The following CDH23 variants were observed in gnomAD, a reference collection of about 807,000 sequenced individuals.
The protein encoded by CDH23 is cadherin related 23.
Under a neutral mutation model 317.1 loss-of-function variants are expected in CDH23, and 189 were observed. That is an observed-to-expected ratio of 0.60 (90% CI 0.53 to 0.67). The LOEUF is 0.67. Ranked by LOEUF, CDH23 falls within the 30% of genes least tolerant of loss-of-function variation. The pLI is 0.00. For synonymous variants in CDH23, 1,839 were observed against 1,876.8 expected (o/e 0.98, Z 0.52); for missense variants, 4,401 against 4,592.4 (o/e 0.96, Z 1.20).
chr10:71,607,976 T>C (rs1440826751), intron 9 of CDH23, among the ~76,000 whole-genome samples: 3 of 152,214 alleles, frequency 2.0e-5, no homozygotes, highest in African/African-American at 4.8e-5. Flanking sequence ...ACCTGCTACA[T>C]GTCAGGCACC....
intron 1 of CDH23, among the ~76,000 whole-genome samples, chr10:71,419,448 C>T (rs996228028): frequency 6.6e-6 from 1 of 152,160 alleles, no homozygotes; most frequent in African/African-American, 2.4e-5. Flanking sequence ...AGGGACATTA[C>T]CCCATGGAAA....
intron 11 of CDH23, among the ~76,000 whole-genome samples, chr10:71,619,530 A>G (rs888224489): frequency 2.6e-5 from 4 of 152,238 alleles, no homozygotes; most frequent in Admixed American, 6.5e-5. Context: ...CAGGAGAACC[A>G]TAATGCCCAA....
chr10:71,635,387 C>T (rs1862218007), intron 11 of CDH23: 1 of 152,578 alleles, frequency 6.6e-6, no homozygotes, highest in Non-Finnish European at 1.5e-5. Context: ...GGTATTCTTC[C>T]CCCAAAGTGC....
Position 71,617,346 on chromosome 10 carries a change from G to A in CDH23, c.1087G>A (p.Val363Ile), listed in dbSNP as rs1258728897. The A allele has an allele frequency of 3.1e-6, 5 of 1,613,826 alleles. No homozygotes were observed. The highest frequency in any genetic ancestry group is 1.6e-4 in the Middle Eastern group (1 of 6,084). The change falls in exon 11 of 70, where the codon GTC becomes ATC. Residue 363 changes from valine to isoleucine, a missense_variant. Val to Ile is a conservative substitution (Grantham distance 29). This residue lies in a region of CDH23 where 3,068 missense variants were observed against 3,203.3 expected (regional missense o/e 0.96). Transcript: ENST00000224721. ...YSVAITELAQ[V>I]GFALPLFIQV... The stretch of plus-strand genomic sequence containing the variant: ...CGTGGCCATCACTGAGCTGGCACAG[G>A]TCGGCTTTGCCCTTCCACTCTTCAT...
intron 28 of CDH23, among the ~76,000 whole-genome samples, chr10:71,723,407 C>T (rs529896148): frequency 2.0e-5 from 3 of 150,964 alleles, no homozygotes; most frequent in African/African-American, 7.4e-5. Flanking sequence ...ACAACAACGT[C>T]CCCCCCCACA....
At chr10:71,605,303 A>G (rs1393948323) in intron 9 of CDH23, among the ~76,000 whole-genome samples, 3 of 152,078 alleles carry the variant, frequency 2.0e-5, no homozygotes, top group Non-Finnish European at 4.4e-5. Flanking sequence ...CAAAAGAGAA[A>G]GTTGAAATGG....
At chr10:71,634,288 G>C (rs1270705407) in intron 11 of CDH23, among the ~76,000 whole-genome samples, 1 of 152,244 alleles carries the variant, frequency 6.6e-6, no homozygotes, top group Non-Finnish European at 1.5e-5. Flanking sequence ...ACAGTCCTGG[G>C]CTTGGGACAG....
Position 71,779,446 on chromosome 10 carries a change from G to A in CDH23, c.5367G>A (p.Leu1789=). 1 of 1,598,848 alleles carries A rather than the reference G, an allele frequency of 6.3e-7. No individual in the cohort carries two copies. The highest frequency in any genetic ancestry group is 8.6e-7 in the Non-Finnish European group (1 of 1,168,224). ...ACAGCATCATGGATGGAGACCCTCT[G>A]GGTGAGTGGGGCTTGGGGCATGCCA... ...VEYSIMDGDP[L]GEFVISPVEG... Residue 1789 remains leucine, a splice_region_variant and synonymous_variant, in exon 41 of 70, where the codon CTG becomes CTA. Coordinates refer to ENST00000224721, the MANE Select transcript of CDH23 (RefSeq NM_022124.6).
At chr10:71,534,961 T>G (rs878952345) in intron 6 of CDH23, among the ~76,000 whole-genome samples, 1 of 152,202 alleles carries the variant, frequency 6.6e-6, no homozygotes, top group Admixed American at 6.5e-5. Flanking sequence ...GCCTGATGCC[T>G]GAAGAGCCCC....
chr10:71,416,748 A>T (rs1848550621), intron 1 of CDH23, among the ~76,000 whole-genome samples: 1 of 151,860 alleles, frequency 6.6e-6, no homozygotes, highest in African/African-American at 2.4e-5. Context: ...GGTCACTGCA[A>T]CCTTGAACTC....
chr10:71,734,642 G>A lies in CDH23; in HGVS notation c.4207-14G>A. On this transcript the variant is annotated splice_polypyrimidine_tract_variant and intron_variant, in intron 33 of 69. Coordinates refer to ENST00000224721, the MANE Select transcript of CDH23 (RefSeq NM_022124.6). ...TTTCTCTCACTCCCCTCCTGCTGCT[G>A]CCTCTGCCTACAGAAGGTGAGTAGC... The A allele has an allele frequency of 6.7e-7, 1 of 1,494,564 alleles. No homozygotes were observed. Among genetic ancestry groups the A allele is most frequent in the Non-Finnish European group, 9.1e-7 (1 of 1,103,502 alleles). 92.6% of individuals were successfully genotyped at this position (1,494,564 alleles called of 1,614,324 possible).
intron 8 of CDH23, among the ~76,000 whole-genome samples, chr10:71,573,602 C>T (rs1212069866): frequency 6.6e-6 from 1 of 152,194 alleles, no homozygotes; most frequent in East Asian, 1.9e-4. Context: ...TGCTGTGATT[C>T]TCCTCTCTCA....
chr10:71,473,896 T>G (rs1851647719), intron 3 of CDH23, among the ~76,000 whole-genome samples: 2 of 152,286 alleles, frequency 1.3e-5, no homozygotes, highest in Middle Eastern at 6.8e-3. Context: ...GCTCCTCCAC[T>G]TACCCAGTCG....
At position 71,784,396 on chromosome 10, in the gene CDH23, G is replaced by A; in HGVS notation, c.5478G>A (p.Arg1826=). 6.2e-7 allele frequency: 1 copy of A among 1,613,774 alleles called. No homozygotes were observed. The highest frequency in any genetic ancestry group is 1.1e-5 in the South Asian group (1 of 91,064). Residue 1826 remains arginine, a synonymous_variant, in exon 42 of 70, where the codon CGG becomes CGA. Transcript: ENST00000224721. ...FYNLTICARD[R]GMPPLSSTML... is the part of the protein sequence containing the mutation. ...ACCTGACCATCTGTGCCCGTGACCG[G>A]GGGATGCCCCCACTCAGCTCCACAG...
At chr10:71,609,146 G>T (rs996781185) in intron 9 of CDH23, among the ~76,000 whole-genome samples, 1 of 152,000 alleles carries the variant, frequency 6.6e-6, no homozygotes, top group Non-Finnish European at 1.5e-5. Context: ...GCGTGAAGGG[G>T]GGTAGCCTTC....
chr10:71,796,980 C>T, intron 48 of CDH23, 124 bp from the exon 49 acceptor site: 1 of 659,066 alleles, frequency 1.5e-6, no homozygotes, highest in Non-Finnish European at 2.8e-6. Flanking sequence ...GCCACAAGTC[C>T]CAGATTCTAC....
intron 11 of CDH23, among the ~76,000 whole-genome samples, chr10:71,628,446 G>A (rs1236805671): frequency 6.6e-6 from 1 of 152,190 alleles, no homozygotes; most frequent in Non-Finnish European, 1.5e-5. Context: ...TCCTCTCCAG[G>A]CCTCAGTTTC....
chr10:71,770,715 G>A (rs905276845), intron 38 of CDH23, among the ~76,000 whole-genome samples: 4 of 152,184 alleles, frequency 2.6e-5, no homozygotes, highest in African/African-American at 4.8e-5. Context: ...TGCGGATAGG[G>A]AGGTGACCCC....
At chr10:71,725,256 G>A (rs207471140) in intron 29 of CDH23, 116 bp from the exon 30 acceptor site, 103 of 1,521,272 alleles carry the variant, frequency 6.8e-5, no homozygotes, top group East Asian at 1.1e-4. Context: ...CAGAAGACCC[G>A]CAGCCTCCTC....
Sources: gnomAD v4.1 joint callset for allele counts (sites outside exome capture counted in the v4.1 genomes callset) on GRCh38, gnomAD v4.1.1 for gene constraint, gnomAD v4.1.1 regional missense constraint, MANE v1.5 for transcripts, NCBI Gene and HGNC (gene_info 2026-07-23, HGNC 2026-07-21) for gene names.